CDH18: variants seen among roughly 807,000 people sequenced by gnomAD.
The protein encoded by CDH18 is cadherin-18.
Under a neutral mutation model 67.9 loss-of-function variants are expected in CDH18, and 31 were observed. That is an observed-to-expected ratio of 0.46 (90% CI 0.34 to 0.62). The LOEUF is 0.62. Among genes scored for constraint, CDH18 ranks in the 20% least tolerant of loss-of-function variants. CDH18 has a pLI of 0.01. For missense variants in CDH18, 890 were observed against 975.5 expected, an observed-to-expected ratio of 0.91 and a Z score of 1.17; for synonymous variants, 362 against 347.2, an observed-to-expected ratio of 1.04 and a Z score of -0.48.
chr5:19,480,340 T>C (rs1739189995), intron 12 of CDH18, among the ~76,000 whole-genome samples: 1 of 149,416 alleles, frequency 6.7e-6, no homozygotes, highest in Non-Finnish European at 1.5e-5. Context: ...CCAATAAATA[T>C]ATAAAGTTTA....
At chr5:19,896,933 T>C (rs1371880300) in intron 2 of CDH18, among the ~76,000 whole-genome samples, 1 of 152,082 alleles carries the variant, frequency 6.6e-6, no homozygotes, top group Admixed American at 6.6e-5. Context: ...TCTATACTTA[T>C]CTCAAAATTA....
chr5:20,153,827 T>G (rs1211707404), intron 2 of CDH18, among the ~76,000 whole-genome samples: 1 of 152,176 alleles, frequency 6.6e-6, no homozygotes. Context: ...TGACCTTATT[T>G]TATAATAAGT....
chr5:19,966,974 T>C (rs1401406368), intron 2 of CDH18, among the ~76,000 whole-genome samples: 1 of 151,950 alleles, frequency 6.6e-6, no homozygotes, highest in Non-Finnish European at 1.5e-5. Context: ...ACCCATTAAT[T>C]AAAATTTATA....
At chr5:19,632,614 G>A (rs1027390778) in intron 5 of CDH18, among the ~76,000 whole-genome samples, 1 of 152,002 alleles carries the variant, frequency 6.6e-6, no homozygotes, top group Non-Finnish European at 1.5e-5. Flanking sequence ...GTTATCATGA[G>A]TGTCACCCAT....
intron 1 of CDH18, among the ~76,000 whole-genome samples, chr5:20,367,041 C>T (rs1249494258): frequency 6.6e-6 from 1 of 152,146 alleles, no homozygotes; most frequent in Admixed American, 6.5e-5. Flanking sequence ...CCCAGGGTGA[C>T]ACTCAGCCAC....
chr5:19,508,291 A>G (rs955118718), intron 10 of CDH18, among the ~76,000 whole-genome samples: 2 of 152,246 alleles, frequency 1.3e-5, no homozygotes, highest in Non-Finnish European at 1.5e-5. Flanking sequence ...AACTTCTGGC[A>G]GATATCTAGA....
intron 5 of CDH18, among the ~76,000 whole-genome samples, chr5:19,637,298 A>T (rs1295918495): frequency 6.6e-6 from 1 of 152,050 alleles, no homozygotes; most frequent in African/African-American, 2.4e-5. Context: ...TGAAGTAATT[A>T]ATATATGCAT....
chr5:20,180,099 T>G (rs1255465303), intron 2 of CDH18, among the ~76,000 whole-genome samples: 1 of 152,146 alleles, frequency 6.6e-6, no homozygotes, highest in Non-Finnish European at 1.5e-5. Flanking sequence ...GTGCATGATG[T>G]GATTCCCCCT....
intron 2 of CDH18, among the ~76,000 whole-genome samples, chr5:19,855,195 T>A (rs1248347896): frequency 6.6e-6 from 1 of 152,120 alleles, no homozygotes; most frequent in East Asian, 1.9e-4. Context: ...TCTTTCATCT[T>A]GTTCCCCTGC....
intron 7 of CDH18, among the ~76,000 whole-genome samples, chr5:19,572,280 A>C (rs1291268988): frequency 6.6e-6 from 1 of 152,220 alleles, no homozygotes; most frequent in African/African-American, 2.4e-5. Flanking sequence ...GGTGATTCGG[A>C]GACCAGTCTT....
intron 3 of CDH18, among the ~76,000 whole-genome samples, chr5:19,785,014 G>A (rs1212963185): frequency 6.6e-6 from 1 of 152,118 alleles, no homozygotes; most frequent in Non-Finnish European, 1.5e-5. Flanking sequence ...CAGTCCTGGA[G>A]CCTGGAGATG....
intron 6 of CDH18, among the ~76,000 whole-genome samples, chr5:19,591,909 G>C (rs904508007): frequency 3.9e-5 from 6 of 151,938 alleles, no homozygotes; most frequent in Admixed American, 2.6e-4. Flanking sequence ...AAAGTAAATA[G>C]CTATAGAAAA....
rs138284276 is a variant in CDH18 at position 19,785,569 on chromosome 5, G to A, written c.229-38333C>T. Reference sequence around the variant, plus strand: ...CTCAGGAGGCTAAGGCAGGAGAATCGCTTGAACTCATGAGGCGGAGGTTGC... The same window carrying A: ...CTCAGGAGGCTAAGGCAGGAGAATCACTTGAACTCATGAGGCGGAGGTTGC... On this transcript the variant is annotated intron_variant, in intron 3 of 12. Transcript: ENST00000382275. Among the ~76,000 whole-genome samples the A allele has an allele frequency of 5.4e-4, 78 of 143,334 alleles. 1 individual carries two copies. Among genetic ancestry groups the A allele is most frequent in the African/African-American group, 1.8e-3 (68 of 38,618 alleles). The allele number at this position is 143,334 out of a possible 152,430, so 94.0% of individuals were successfully genotyped here.
At chr5:19,534,200 C>T (rs2127004807) in intron 9 of CDH18, among the ~76,000 whole-genome samples, 1 of 152,122 alleles carries the variant, frequency 6.6e-6, no homozygotes, top group Middle Eastern at 3.4e-3. Context: ...GAGTCAGTGT[C>T]CACATGCCTT....
rs565373838 is a variant in CDH18 at position 19,716,461 on chromosome 5, C to T, written c.643+4886G>A. Among the ~76,000 whole-genome samples, 9 of 152,094 alleles carry T rather than the reference C, an allele frequency of 5.9e-5. No homozygotes were observed. The South Asian group carries it at 1.9e-3, about 32-fold the overall frequency. ...ATCTTTGGTAGAAAGGCCAAGTAAG[C>T]AGTTTCTTCATGATATTTATAATAA... On this transcript the variant is annotated intron_variant, in intron 5 of 12. Transcript: ENST00000382275.
At chr5:19,810,708 G>T (rs1778545083) in intron 3 of CDH18, among the ~76,000 whole-genome samples, 1 of 151,678 alleles carries the variant, frequency 6.6e-6, no homozygotes, top group African/African-American at 2.4e-5. Flanking sequence ...GATTGCCTTG[G>T]GCTCAATAGT....
intron 1 of CDH18, among the ~76,000 whole-genome samples, chr5:20,265,833 G>A (rs962870523): frequency 3.9e-5 from 6 of 152,242 alleles, no homozygotes; most frequent in African/African-American, 1.2e-4. Context: ...AACTGGGAAA[G>A]CATTATTTCT....
At chr5:19,953,112 G>A (rs959424278) in intron 2 of CDH18, among the ~76,000 whole-genome samples, 11 of 151,864 alleles carry the variant, frequency 7.2e-5, no homozygotes, top group Admixed American at 1.3e-4. Context: ...GTTCACAGGA[G>A]GAAAGACACA....
intron 3 of CDH18, among the ~76,000 whole-genome samples, chr5:19,760,803 T>C (rs556632013): frequency 3.9e-5 from 6 of 152,158 alleles, no homozygotes; most frequent in Admixed American, 6.5e-5. Flanking sequence ...CTCCTGAGGA[T>C]GATCAACATT....
Sources: gnomAD v4.1 joint callset for allele counts (sites outside exome capture counted in the v4.1 genomes callset) on GRCh38, gnomAD v4.1.1 for gene constraint, MANE v1.5 for transcripts, NCBI Gene and HGNC (gene_info 2026-07-23, HGNC 2026-07-21) for gene names.